CDH23: variants seen among roughly 807,000 people sequenced by gnomAD.
CDH23 encodes cadherin-23.
Under a neutral mutation model 317.1 loss-of-function variants are expected in CDH23, and 189 were observed. That is an observed-to-expected ratio of 0.60 (90% CI 0.53 to 0.67). The LOEUF is 0.67. CDH23 is among the 30% of genes least tolerant of loss of function. The pLI is 0.00. For synonymous variants in CDH23, 1,839 were observed against 1,876.8 expected (o/e 0.98, Z 0.52); for missense variants, 4,401 against 4,592.4 (o/e 0.96, Z 1.20).
Position 71,706,829 on chromosome 10 carries a change from G to A in CDH23, c.2954-68G>A, listed in dbSNP as rs926587155. 37 of 1,524,026 alleles carry A rather than the reference G, an allele frequency of 2.4e-5. No homozygotes were observed. The Middle Eastern group carries it at 1.2e-3, about 51-fold the overall frequency. 94.4% of individuals were successfully genotyped at this position (1,524,026 alleles called of 1,614,324 possible). ...CCCTACTTGGTCTGGTGCTGGAGAC[G>A]CTGCTCTGGAGCTGGGTCTTCTGCG... On this transcript the variant is annotated intron_variant, in intron 25 of 69. Transcript: ENST00000224721.
In CDH23 at chr10:71,777,863, G is replaced by A. The variant is rs1373581561; in HGVS notation, c.5029G>A (p.Gly1677Ser). The A allele has an allele frequency of 6.2e-7, 1 of 1,613,938 alleles. No homozygotes were observed. The highest frequency in any genetic ancestry group is 2.2e-5 in the East Asian group (1 of 44,868). Residue 1677 changes from glycine to serine, a missense_variant, in exon 39 of 70, where the codon GGC (glycine) becomes AGC (serine). Gly to Ser is a moderately conservative substitution (Grantham distance 56). Around this residue, in one of 3 missense-constraint regions of CDH23, gnomAD observed 3,068 missense variants for 3,203.3 expected, o/e 0.96. Transcript: ENST00000224721. ...NGTVTYAIVAGNIVNTFRIDR... is the reference protein window; with the variant it reads ...NGTVTYAIVASNIVNTFRIDR... ...CACAGTCACCTATGCCATCGTCGCA[G>A]GCAACATCGTCAACACCTTCCGCAT...
Position 71,807,360 on chromosome 10 carries a change from G to A in CDH23, c.8262G>A (p.Val2754=). 1.2e-6 allele frequency: 2 copies of A among 1,613,882 alleles called. No individual in the cohort carries two copies. The highest frequency in any genetic ancestry group is 1.7e-6 in the Non-Finnish European group (2 of 1,179,820). The change falls in exon 58 of 70, where the codon GTG becomes GTA. Residue 2754 remains valine, a synonymous_variant. Transcript: ENST00000224721. ...TCGTGGGCAACGTGACAGGCGCAGT[G>A]GATGCAGATGAGGGCCCCAACGCGA... The part of the protein sequence containing the change: ...GTLVGNVTGA[V]DADEGPNAIV...
At chr10:71,665,997 C>T (rs114825122) in intron 14 of CDH23, among the ~76,000 whole-genome samples, 2,204 of 152,292 alleles carry the variant, frequency 0.014, 63 homozygotes, top group African/African-American at 0.051. Context: ...CAGTCAATGC[C>T]GTGATCCATT....
Position 71,734,344 on chromosome 10 carries a change from G to A in CDH23, c.4206+3G>A, listed in dbSNP as rs1453440582. On this transcript the variant is annotated splice_donor_region_variant and intron_variant, in intron 33 of 69. Transcript: ENST00000224721. ...GCCCCAAGGTGGACTCCACCGTGGT[G>A]AGTGGGACCAGGGTGAGAGTCCCTC... 6.2e-6 allele frequency: 10 copies of A among 1,604,314 alleles called. No homozygotes were observed. The highest frequency in any genetic ancestry group is 3.4e-5 in the South Asian group (3 of 89,416).
intron 1 of CDH23, among the ~76,000 whole-genome samples, chr10:71,430,479 T>C (rs1849319491): frequency 6.6e-6 from 1 of 152,138 alleles, no homozygotes; most frequent in South Asian, 2.1e-4. Flanking sequence ...GGAACAAAGA[T>C]ATTTGTCGTG....
Position 71,510,927 on chromosome 10 carries a change from C to A in CDH23, c.289-27C>A, listed in dbSNP as rs77615708. 20,021 of 1,613,418 alleles carry A rather than the reference C, an allele frequency of 0.012. 173 individuals are homozygous for A. The highest frequency in any genetic ancestry group is 0.036 in the Admixed American group (2,149 of 60,020). On this transcript the variant is annotated intron_variant, in intron 4 of 69. Transcript: ENST00000224721. ...AGGACCTCAGCACCGCCTAACTGCC[C>A]CCCTCCCTCTCTCACTTTTCTTTCA...
At chr10:71,586,759 A>G (rs746935219) in intron 9 of CDH23, among the ~76,000 whole-genome samples, 2 of 152,166 alleles carry the variant, frequency 1.3e-5, no homozygotes, top group African/African-American at 2.4e-5. Flanking sequence ...TGTGGATGAC[A>G]TATTGCTTGA....
intron 9 of CDH23, among the ~76,000 whole-genome samples, chr10:71,596,311 G>A (rs1395440278): frequency 6.6e-6 from 1 of 152,146 alleles, no homozygotes; most frequent in East Asian, 1.9e-4. Flanking sequence ...AGGAAATTGA[G>A]GCTCAGAAAG....
chr10:71,543,603 A>C lies in CDH23; in HGVS notation c.430-23139A>C, dbSNP rs150760127. 6.8e-3 allele frequency among the ~76,000 whole-genome samples: 1,029 copies of C among 152,292 alleles called. 8 individuals carry two copies. The highest frequency in any genetic ancestry group is 0.023 in the African/African-American group (950 of 41,566). ...AGTCAACCATTTTTTTTCCATCAGC[A>C]ATCTGAATTTTACAAGTCCTCATGC... is the stretch of plus-strand genomic sequence containing the variant. On this transcript the variant is annotated intron_variant, in intron 6 of 69. Coordinates refer to ENST00000224721, the MANE Select transcript of CDH23 (RefSeq NM_022124.6).
intron 1 of CDH23, among the ~76,000 whole-genome samples, chr10:71,416,441 T>G (rs990072603): frequency 6.6e-6 from 1 of 152,242 alleles, no homozygotes; most frequent in African/African-American, 2.4e-5. Context: ...TGTTAGTGGT[T>G]GTTATAAATT....
intron 7 of CDH23, among the ~76,000 whole-genome samples, chr10:71,568,529 A>G (rs1472296014): frequency 6.6e-6 from 1 of 152,186 alleles, no homozygotes; most frequent in Non-Finnish European, 1.5e-5. Flanking sequence ...GAATACAGTT[A>G]AATTGCTGTT....
intron 1 of CDH23, among the ~76,000 whole-genome samples, chr10:71,434,041 A>T (rs926395262): frequency 6.6e-6 from 1 of 151,208 alleles, no homozygotes; most frequent in Non-Finnish European, 1.5e-5. Flanking sequence ...ATCTCCTGCA[A>T]CTCTTCCCGC....
intron 19 of CDH23, 31 bp from the exon 20 acceptor site, chr10:71,690,437 A>G: frequency 6.6e-7 from 1 of 1,508,032 alleles, no homozygotes. Flanking sequence ...GGTGAGCAGC[A>G]CCCCCTGCCC....
At chr10:71,752,963 C>T (rs1230790380) in intron 38 of CDH23, 7 of 1,612,666 alleles carry the variant, frequency 4.3e-6, no homozygotes, top group Non-Finnish European at 5.9e-6. Flanking sequence ...AGAAGGTCTC[C>T]ATGGGCCTTA....
rs748156820 is a variant in CDH23, at chr10:71,751,686, C to T, written c.4845+9765C>T. On this transcript the variant is annotated intron_variant, in intron 38 of 69. Coordinates refer to ENST00000224721, the MANE Select transcript of CDH23 (RefSeq NM_022124.6). The surrounding 1 kb of genome is among the most constrained non-coding windows in gnomAD (Gnocchi z 4.9). The stretch of plus-strand genomic sequence containing the variant: ...CACTTACCCAGGGATGGGAAGAAGA[C>T]GTCTCCGGGGCCTGGAGGAGACAGG... The T allele has an allele frequency of 1.5e-5, 23 of 1,539,652 alleles. No homozygotes were observed. The highest frequency in any genetic ancestry group is 3.8e-5 in the South Asian group (3 of 79,484).
intron 9 of CDH23, among the ~76,000 whole-genome samples, chr10:71,584,358 T>C (rs1241798960): frequency 6.6e-6 from 1 of 152,110 alleles, no homozygotes; most frequent in Non-Finnish European, 1.5e-5. Flanking sequence ...AACCCCTCAC[T>C]TTCAACTTTC....
intron 9 of CDH23, among the ~76,000 whole-genome samples, chr10:71,604,992 A>T (rs1860444938): frequency 6.6e-6 from 1 of 152,246 alleles, no homozygotes; most frequent in African/African-American, 2.4e-5. Context: ...ACCCAGGGAG[A>T]GGAAGAATTA....
intron 6 of CDH23, among the ~76,000 whole-genome samples, chr10:71,551,862 C>A (rs1454768478): frequency 6.6e-6 from 1 of 152,174 alleles, no homozygotes; most frequent in Non-Finnish European, 1.5e-5. Flanking sequence ...GGCCCACCTC[C>A]CCCAGCAGGG....
chr10:71,725,569 C>A (rs752078066), intron 30 of CDH23, 49 bp downstream of exon 30: 1 of 1,583,812 alleles, frequency 6.3e-7, no homozygotes, highest in South Asian at 1.1e-5. Flanking sequence ...GGGGCCAAGC[C>A]CACAGCTAGA....
Sources: gnomAD v4.1 joint callset for allele counts (sites outside exome capture counted in the v4.1 genomes callset) on GRCh38, gnomAD v4.1.1 for gene constraint, gnomAD v4.1.1 regional missense constraint, Gnocchi (gnomAD v3.1) non-coding constraint, MANE v1.5 for transcripts, NCBI Gene and HGNC (gene_info 2026-07-23, HGNC 2026-07-21) for gene names.